Variants in PLRG1 observed in about 807,000 individuals in gnomAD.
PLRG1 encodes the protein pleiotropic regulator 1, also known as pleiotropic regulator 1 (PRL1 homolog, Arabidopsis).
PLRG1 carries 28 observed loss-of-function variants against 74.9 expected under a neutral mutation model. That is an observed-to-expected ratio of 0.37 (90% CI 0.28 to 0.51). The LOEUF (loss-of-function observed/expected upper bound fraction) is 0.51, where lower values mean the gene tolerates loss of function less well. Among genes scored for constraint, PLRG1 ranks in the 20% least tolerant of loss-of-function variants. The pLI is 0.91. For missense variants in PLRG1, 445 were observed against 631.9 expected (o/e 0.70, Z 3.17); for synonymous variants, 197 against 212.4 (o/e 0.93, Z 0.63).
At chr4:154,542,647 G>A (rs1046470522) in intron 7 of PLRG1, among the ~76,000 whole-genome samples, 3 of 152,040 alleles carry the variant, frequency 2.0e-5, no homozygotes, top group Non-Finnish European at 4.4e-5. Flanking sequence ...TCCATCATGA[G>A]GTGAATGGAT....
At chr4:154,537,180 A>G (rs1729466804) in intron 14 of PLRG1, 106 bp downstream of exon 14, 1 of 650,262 alleles carries the variant, frequency 1.5e-6, no homozygotes, top group Non-Finnish European at 2.6e-6. Flanking sequence ...GAAGACAGAT[A>G]TCTTAAATAC....
intron 11 of PLRG1, 111 bp downstream of exon 11, chr4:154,539,840 A>G: frequency 1.4e-6 from 1 of 704,782 alleles, no homozygotes; most frequent in Non-Finnish European, 2.6e-6. Flanking sequence ...TGACACAGAA[A>G]CACTGTAAAC....
rs1472525841 is a variant in PLRG1, at chr4:154,536,430, TA to T, written c.*254del. ...GTCAAAATATTACATCTAGAATAGT[TA>T]TGTTCAATAAACCTGCATTTACTTG... On this transcript the variant is annotated 3_prime_UTR_variant, in exon 15 of 15. Transcript: ENST00000499023. 7 of 352,424 alleles carry T rather than the reference TA, an allele frequency of 2.0e-5. No homozygotes were observed. Among genetic ancestry groups the T allele is most frequent in the Non-Finnish European group, 3.0e-5 (6 of 198,412 alleles). 21.8% of individuals were successfully genotyped at this position (352,424 alleles called of 1,614,324 possible).
At chr4:154,548,545 G>A (rs2110730189) in intron 2 of PLRG1, among the ~76,000 whole-genome samples, 1 of 152,108 alleles carries the variant, frequency 6.6e-6, no homozygotes, top group East Asian at 1.9e-4. Flanking sequence ...GAGAGCAGCG[G>A]GAAGCTGAAA....
chr4:154,537,533 C>T, intron 13 of PLRG1, 54 bp from the exon 14 acceptor site: 9 of 1,300,458 alleles, frequency 6.9e-6, no homozygotes, highest in Non-Finnish European at 9.9e-6. Flanking sequence ...TACAGCTTGA[C>T]AAACATTTAT....
In PLRG1 at chr4:154,550,377, A is replaced by C. The variant is rs971184374; in HGVS notation, c.-69T>G. 2.1e-5 allele frequency: 31 copies of C among 1,461,968 alleles called. No individual in the cohort carries two copies. Among genetic ancestry groups the C allele is most frequent in the Non-Finnish European group, 2.9e-5 (30 of 1,042,188 alleles). 90.6% of individuals were successfully genotyped at this position (1,461,968 alleles called of 1,614,324 possible). ...TCACTAACGCAGTACCCGCCGCCAC[A>C]GCTGTGCAGCACCTTCCGGAATTGG... On this transcript the variant is annotated 5_prime_UTR_variant, in exon 1 of 15. Transcript: ENST00000499023.
intron 13 of PLRG1, 36 bp from the exon 14 acceptor site, chr4:154,537,515 C>T (rs1166762700): frequency 6.9e-7 from 1 of 1,438,876 alleles, no homozygotes; most frequent in Non-Finnish European, 9.8e-7. Context: ...CTGGTATCCC[C>T]TCAGCAGTAC....
At chr4:154,539,506 ATTT>A (rs1729518115) in intron 11 of PLRG1, among the ~76,000 whole-genome samples, 1 of 152,024 alleles carries the variant, frequency 6.6e-6, no homozygotes. Flanking sequence ...AACTTCAATG[ATTT>A]TTTTAAGTTA....
chr4:154,540,292 G>GTC, intron 10 of PLRG1: 1 of 582,342 alleles, frequency 1.7e-6, no homozygotes. Flanking sequence ...GAATGAGTAT[G>GTC]ATGGGACTAC....
chr4:154,538,354 G>A (rs1442499742), intron 12 of PLRG1, among the ~76,000 whole-genome samples: 4 of 151,926 alleles, frequency 2.6e-5, no homozygotes, highest in Non-Finnish European at 5.9e-5. Context: ...TTTCCTTAAT[G>A]CTCTGCACTA....
intron 2 of PLRG1, 54 bp from the exon 3 acceptor site, chr4:154,547,907 ACTTAG>A: frequency 3.7e-6 from 5 of 1,344,200 alleles, no homozygotes; most frequent in Non-Finnish European, 5.2e-6. Context: ...TAAAACAAAC[ACTTAG>A]CTTAAGTTTG....
intron 1 of PLRG1, chr4:154,549,535 T>C: frequency 2.6e-6 from 1 of 378,758 alleles, no homozygotes; most frequent in Non-Finnish European, 5.2e-6. Context: ...AGATGGTGCT[T>C]TGTAGCTGCA....
At chr4:154,548,238 G>A (rs138162428) in intron 2 of PLRG1, among the ~76,000 whole-genome samples, 1,881 of 152,010 alleles carry the variant, frequency 0.012, 31 homozygotes, top group African/African-American at 0.043. Flanking sequence ...ATCCAAACAG[G>A]TTAGTTAGAA....
intron 7 of PLRG1, among the ~76,000 whole-genome samples, chr4:154,543,148 T>C (rs771707397): frequency 1.3e-5 from 2 of 152,056 alleles, no homozygotes; most frequent in Non-Finnish European, 2.9e-5. Flanking sequence ...CTGTATGTTT[T>C]TCTTTGTTTT....
intron 13 of PLRG1, 97 bp downstream of exon 13, chr4:154,537,872 C>CTTAA: frequency 8.6e-6 from 6 of 701,194 alleles, no homozygotes; most frequent in Non-Finnish European, 1.4e-5. Flanking sequence ...TGCTATAATA[C>CTTAA]TTAAGTGTGA....
In PLRG1 at chr4:154,546,831, A is replaced by C. The variant is rs74355961; in HGVS notation, c.313+180T>G. On this transcript the variant is annotated intron_variant, in intron 4 of 14. Coordinates refer to ENST00000499023, the MANE Select transcript of PLRG1 (RefSeq NM_002669.4). ...ATTGCCTGAAAAATTATACGTACTT[A>C]AGAATGTTTGCTGAATGAAGGCATA... 6.5e-3 allele frequency: 3,845 copies of C among 592,230 alleles called. 114 individuals carry two copies. The highest frequency in any genetic ancestry group is 0.064 in the African/African-American group (3,409 of 53,638). 36.7% of individuals were successfully genotyped at this position (592,230 alleles called of 1,614,324 possible). A position where few individuals can be genotyped will look rare whatever the true frequency, so the allele number is the denominator to read the frequency against.
intron 11 of PLRG1, 35 bp from the exon 12 acceptor site, chr4:154,539,248 G>A: frequency 8.4e-7 from 1 of 1,193,192 alleles, no homozygotes; most frequent in Non-Finnish European, 1.3e-6. Context: ...TCAAAACATA[G>A]ACCAGGAAAA....
intron 10 of PLRG1, 24 bp from the exon 11 acceptor site, chr4:154,540,077 T>C: frequency 1.2e-5 from 14 of 1,212,168 alleles, no homozygotes; most frequent in Non-Finnish European, 1.7e-5. Context: ...ATAGACATAT[T>C]AGGAAAGAGA....
At chr4:154,547,332 G>A (rs1578771839) in intron 3 of PLRG1, 1 of 532,070 alleles carries the variant, frequency 1.9e-6, no homozygotes, top group Admixed American at 3.4e-5. Flanking sequence ...CAAGCAAATG[G>A]TTTCCTGTGG....
Sources: allele counts gnomAD v4.1 joint callset (sites outside exome capture counted in the v4.1 genomes callset), GRCh38; gene constraint gnomAD v4.1.1; transcripts MANE v1.5; gene names NCBI Gene and HGNC (gene_info 2026-07-23, HGNC 2026-07-21).